The following DENND5B variants were observed in gnomAD, a reference collection of about 807,000 sequenced individuals.
DENND5B encodes the protein DENN domain containing 5B.
A neutral mutation model predicts 140.6 loss-of-function variants in DENND5B; 34 were observed. The ratio of observed to expected loss-of-function variants is 0.24; its 90% CI spans 0.18 to 0.32. DENND5B has a LOEUF of 0.32. DENND5B is among the 10% of genes least tolerant of loss of function. DENND5B has a pLI of 1.00. For synonymous variants in DENND5B, 551 were observed against 562.1 expected (o/e 0.98, Z 0.28); for missense variants, 1,142 against 1,560.2 (o/e 0.73, Z 4.52).
intron 1 of DENND5B, among the ~76,000 whole-genome samples, chr12:31,546,095 T>G (rs1022053785): frequency 6.6e-6 from 1 of 152,066 alleles, no homozygotes; most frequent in Non-Finnish European, 1.5e-5. Flanking sequence ...TTTCTTTGCT[T>G]TCTAGTTTTA....
intron 1 of DENND5B, among the ~76,000 whole-genome samples, chr12:31,589,482 C>G (rs991277757): frequency 1.3e-5 from 2 of 151,596 alleles, no homozygotes; most frequent in African/African-American, 2.4e-5. Flanking sequence ...ATGTTTTGCT[C>G]TGAAGCTGAG....
At chr12:31,551,806 AT>A (rs1377084508) in intron 1 of DENND5B, among the ~76,000 whole-genome samples, 1 of 152,080 alleles carries the variant, frequency 6.6e-6, no homozygotes, top group Admixed American at 6.6e-5. Flanking sequence ...ATTCCTAGGT[AT>A]TTTATTCTCT....
chr12:31,461,824 C>T (rs539983010), intron 3 of DENND5B, among the ~76,000 whole-genome samples: 21 of 152,192 alleles, frequency 1.4e-4, no homozygotes, highest in Admixed American at 2.0e-4. Flanking sequence ...TGAACAAACA[C>T]AGTAAAATCT....
At chr12:31,490,125 G>A (rs1357834238) in intron 2 of DENND5B, among the ~76,000 whole-genome samples, 1 of 131,610 alleles carries the variant, frequency 7.6e-6, no homozygotes, top group Non-Finnish European at 1.6e-5. Flanking sequence ...GTAGGTGGAT[G>A]GTTGTACCAT....
chr12:31,590,866 G>T lies in DENND5B; in HGVS notation c.-34C>A. ...CGCTGCTCCAGGGGCCGCCGCCGCC[G>T]CCGCCCGGGAAGGCTTTCTGCGGAG... On this transcript the variant is annotated 5_prime_UTR_variant, in exon 1 of 21. Transcript: ENST00000389082. 8.4e-7 allele frequency: 1 copy of T among 1,193,034 alleles called. No individual in the cohort carries two copies. The highest frequency in any genetic ancestry group is 1.0e-6 in the Non-Finnish European group (1 of 966,002). The allele number at this position is 1,193,034 out of a possible 1,614,324, so 73.9% of individuals were successfully genotyped here.
chr12:31,398,388 T>A (rs1407819618), intron 16 of DENND5B, 26 bp from the exon 17 acceptor site: 1 of 1,517,670 alleles, frequency 6.6e-7, no homozygotes, highest in East Asian at 2.5e-5. Flanking sequence ...ACAAGTTTTT[T>A]ATTTTTTATT....
intron 14 of DENND5B, among the ~76,000 whole-genome samples, chr12:31,407,770 A>C (rs1212437662): frequency 6.6e-6 from 1 of 152,206 alleles, no homozygotes; most frequent in Non-Finnish European, 1.5e-5. Context: ...GGAAAAAGAC[A>C]ATGAGCCTGG....
At chr12:31,403,385 TTTTTC>T (rs1941919344) in intron 14 of DENND5B, among the ~76,000 whole-genome samples, 1 of 131,972 alleles carries the variant, frequency 7.6e-6, no homozygotes, top group Non-Finnish European at 1.8e-5. Flanking sequence ...CCCTTCTTTT[TTTTTC>T]TTTTTTTTTT....
intron 4 of DENND5B, among the ~76,000 whole-genome samples, chr12:31,453,571 C>A (rs1944635497): frequency 6.6e-6 from 1 of 152,052 alleles, no homozygotes; most frequent in African/African-American, 2.4e-5. Flanking sequence ...TAGCCCATCA[C>A]ATAAAAATAA....
chr12:31,567,260 G>A (rs964757236), intron 1 of DENND5B, among the ~76,000 whole-genome samples: 1 of 151,402 alleles, frequency 6.6e-6, no homozygotes, highest in African/African-American at 2.4e-5. Flanking sequence ...GGAGGCTGCA[G>A]TGAGCTGTGA....
intron 1 of DENND5B, among the ~76,000 whole-genome samples, chr12:31,557,781 A>C (rs1949344535): frequency 6.7e-6 from 1 of 148,278 alleles, no homozygotes; most frequent in Admixed American, 6.9e-5. Flanking sequence ...TATACAACCT[A>C]TTAAAACCAG....
intron 1 of DENND5B, among the ~76,000 whole-genome samples, chr12:31,587,452 C>T (rs1592103780): frequency 6.7e-6 from 1 of 149,644 alleles, no homozygotes; most frequent in Non-Finnish European, 1.5e-5. Flanking sequence ...GTTGGGCCTA[C>T]CTTCAACATC....
Position 31,460,189 on chromosome 12 carries a change from T to C in DENND5B, c.1092+5A>G. The C allele has an allele frequency of 6.2e-7, 1 of 1,607,044 alleles. No homozygotes were observed. Among genetic ancestry groups the C allele is most frequent in the Non-Finnish European group, 8.5e-7 (1 of 1,175,692 alleles). ...CAAATGCTTCATCATTCATTGTAGT[T>C]TTACCTCTTGAGGAAGTTCTAGTTT... On this transcript the variant is annotated splice_donor_5th_base_variant and intron_variant, in intron 4 of 20. Coordinates refer to ENST00000389082, the MANE Select transcript of DENND5B (RefSeq NM_144973.4).
At position 31,413,471 on chromosome 12, in the gene DENND5B, A is replaced by T; in HGVS notation, c.2646T>A (p.His882Gln). Residue 882 changes from histidine (H) to glutamine (Q), a missense_variant, in exon 13 of 21, where the codon CAT (histidine) becomes CAA (glutamine). By Grantham distance (24) the His-to-Gln change is conservative. Transcript: ENST00000389082. The stretch of plus-strand genomic sequence containing the variant: ...GTTGGTTAGAAAGCAACTGCTTAAG[A>T]TGCTGGGACAAGAGCTTCTTTTCTA... ...LSLEKKLLSQHLKQLLSNQPL... is the reference protein window; with the variant it reads ...LSLEKKLLSQQLKQLLSNQPL... 6.2e-7 allele frequency: 1 copy of T among 1,613,910 alleles called. No individual in the cohort carries two copies. Among genetic ancestry groups the T allele is most frequent in the East Asian group, 2.2e-5 (1 of 44,876 alleles).
chr12:31,537,103 G>A (rs1948526273), intron 1 of DENND5B, among the ~76,000 whole-genome samples: 1 of 152,078 alleles, frequency 6.6e-6, no homozygotes, highest in African/African-American at 2.4e-5. Context: ...AGAAAGAAAA[G>A]GACACTAATG....
intron 3 of DENND5B, among the ~76,000 whole-genome samples, chr12:31,474,889 C>T (rs948161572): frequency 6.6e-6 from 1 of 152,160 alleles, no homozygotes; most frequent in Non-Finnish European, 1.5e-5. Flanking sequence ...ACAATTACTT[C>T]GCATGACACC....
rs770690675 is a variant in DENND5B at position 31,409,372 on chromosome 12, C to T, written c.2694G>A (p.Lys898=). Residue 898 remains lysine (K), a synonymous_variant, in exon 14 of 21, where the codon AAG becomes AAA. Transcript: ENST00000389082. ...SNQPLTKKLY[K]RYAFLRCEEE... is the part of the protein sequence containing the mutation. ...CTTCGCAACGTAGAAAAGCATATCGCTTATAAAGCTTCCTAGGAAAGGGTA... is the reference window on the plus strand; with the variant it reads ...CTTCGCAACGTAGAAAAGCATATCGTTTATAAAGCTTCCTAGGAAAGGGTA... The T allele has an allele frequency of 4.6e-6, 7 of 1,534,288 alleles. No homozygotes were observed. Among genetic ancestry groups the T allele is most frequent in the Non-Finnish European group, 6.2e-6 (7 of 1,137,578 alleles).
intron 9 of DENND5B, among the ~76,000 whole-genome samples, chr12:31,424,917 A>T (rs1458093409): frequency 1.3e-5 from 2 of 152,340 alleles, no homozygotes; most frequent in East Asian, 3.9e-4. Flanking sequence ...AGAATATAAG[A>T]TAATATTTGT....
chr12:31,468,678 G>A (rs2138375180), intron 3 of DENND5B, among the ~76,000 whole-genome samples: 1 of 152,152 alleles, frequency 6.6e-6, no homozygotes, highest in South Asian at 2.1e-4. Flanking sequence ...AGGCATGGTG[G>A]CACACACCTG....
Sources: allele counts gnomAD v4.1 joint callset (sites outside exome capture counted in the v4.1 genomes callset), GRCh38; gene constraint gnomAD v4.1.1; transcripts MANE v1.5; gene names NCBI Gene and HGNC (gene_info 2026-07-23, HGNC 2026-07-21).